The following NUCB2 variants were observed in gnomAD, a reference collection of about 807,000 sequenced individuals.
The protein encoded by NUCB2 is nucleobindin 2.
NUCB2 carries 48 observed loss-of-function variants against 57.9 expected under a neutral mutation model. That is an observed-to-expected ratio of 0.83 (90% confidence interval 0.66 to 1.05). The LOEUF is 1.05. Ranked by LOEUF, NUCB2 falls within the 50% of genes least tolerant of loss-of-function variation. The pLI, the probability that NUCB2 is intolerant of heterozygous loss-of-function variation, is 0.00. For synonymous variants in NUCB2, 139 were observed against 152.1 expected (o/e 0.91, Z 0.64); for missense variants, 442 against 476.2 (o/e 0.93, Z 0.67).
rs146835034 is a variant in NUCB2 at position 17,345,441 on chromosome 11, G to A, written n.2627-3904G>A. Among the ~76,000 whole-genome samples, 1,096 of 152,276 alleles carry A rather than the reference G, an allele frequency of 7.2e-3. 15 individuals are homozygous for A. The highest frequency in any genetic ancestry group is 0.022 in the African/African-American group (922 of 41,544). On this transcript the variant is annotated intron_variant and non_coding_transcript_variant, in intron 2 of 2. Coordinates refer to the NUCB2 transcript ENST00000532240. ...GTAACCTTTTTGGCTGGGTGCGGTGGCTCACGCCTGTAATCCCAGTACTTT... is the reference window on the plus strand; with the variant it reads ...GTAACCTTTTTGGCTGGGTGCGGTGACTCACGCCTGTAATCCCAGTACTTT...
intron 11 of NUCB2, among the ~76,000 whole-genome samples, chr11:17,317,258 A>G (rs951638553): frequency 7.2e-5 from 11 of 152,108 alleles, no homozygotes; most frequent in Admixed American, 7.2e-4. Context: ...GTGTATGTAT[A>G]ACATATAATT....
intron 5 of NUCB2, among the ~76,000 whole-genome samples, chr11:17,307,141 C>T (rs918038878): frequency 6.6e-5 from 10 of 151,692 alleles, no homozygotes; most frequent in Admixed American, 2.0e-4. Context: ...TGAGCTCAAG[C>T]GATCCAACTG....
At chr11:17,279,496 C>T (rs933865261) in intron 1 of NUCB2, among the ~76,000 whole-genome samples, 1 of 152,170 alleles carries the variant, frequency 6.6e-6, no homozygotes, top group African/African-American at 2.4e-5. Flanking sequence ...CCTGAAACTA[C>T]AGGTAGTACC....
chr11:17,285,269 C>T (rs1943470435), intron 2 of NUCB2, among the ~76,000 whole-genome samples: 1 of 148,416 alleles, frequency 6.7e-6, no homozygotes, highest in South Asian at 2.1e-4. Flanking sequence ...CTACTAAAAA[C>T]ATACAAAAAA....
chr11:17,280,907 G>A (rs1038563645), intron 1 of NUCB2, among the ~76,000 whole-genome samples: 2 of 152,074 alleles, frequency 1.3e-5, no homozygotes, highest in Non-Finnish European at 2.9e-5. Flanking sequence ...TGGGCGTGGT[G>A]GTGCGTGCCT....
At chr11:17,333,287 A>G (rs1195349566), downstream of NUCB2, 1 of 152,044 alleles carries the variant, frequency 6.6e-6, no homozygotes, top group African/African-American at 2.4e-5. Context: ...TGGAAAGTAT[A>G]CCCTTCTTGG....
At chr11:17,335,527 A>C (rs1346623322), downstream of NUCB2, among the ~76,000 whole-genome samples, 1 of 151,906 alleles carries the variant, frequency 6.6e-6, no homozygotes, top group African/African-American at 2.4e-5. Flanking sequence ...TTTGAGACAG[A>C]GTCTCACTCT....
chr11:17,311,355 T>C (rs1948456296), intron 8 of NUCB2, 72 bp downstream of exon 8: 3 of 1,143,632 alleles, frequency 2.6e-6, no homozygotes, highest in Non-Finnish European at 3.8e-6. Flanking sequence ...TCTTAATTGA[T>C]TTCTGCCAAG....
At chr11:17,309,350 A>C (rs1948150822) in intron 5 of NUCB2, among the ~76,000 whole-genome samples, 1 of 152,098 alleles carries the variant, frequency 6.6e-6, no homozygotes. Flanking sequence ...ATTTTTAAAA[A>C]TATACATGTT....
At position 17,331,488 on chromosome 11, in the gene NUCB2, T is replaced by G; in HGVS notation, c.*69T>G. On this transcript the variant is annotated 3_prime_UTR_variant, in exon 14 of 14. Coordinates refer to ENST00000529010, the MANE Select transcript of NUCB2 (RefSeq NM_005013.4). ...CATCTATTTCATCTTTTTAGCTCCC[T>G]TCCTTTTTCTCTGCTCAATAAATAT... 1.0e-6 allele frequency: 1 copy of G among 957,052 alleles called. No homozygotes were observed. Among genetic ancestry groups the G allele is most frequent in the African/African-American group, 1.7e-5 (1 of 59,118 alleles). The allele number at this position is 957,052 out of a possible 1,614,324, so 59.3% of individuals were successfully genotyped here. A position where few individuals can be genotyped will look rare whatever the true frequency, so the allele number is the denominator to read the frequency against.
Position 17,310,950 on chromosome 11 carries a change from A to G in NUCB2, c.609A>G (p.Glu203=), listed in dbSNP as rs1948400066. The change falls in exon 7 of 14, where the codon GAA becomes GAG. Residue 203 remains glutamate (E), a synonymous_variant. Coordinates refer to ENST00000529010, the MANE Select transcript of NUCB2 (RefSeq NM_005013.4). ...TGAATGAAGAAAAGAGAAAAGAAGA[A>G]GAGTCTAAATTTGAAGAAATGAAGA... The part of the protein sequence containing the change: ...KTLNEEKRKE[E]ESKFEEMKKK... 6.3e-7 allele frequency: 1 copy of G among 1,596,184 alleles called. No homozygotes were observed. Among genetic ancestry groups the G allele is most frequent in the Admixed American group, 1.8e-5 (1 of 54,964 alleles).
At chr11:17,288,880 TATACACACACACACACACACAC>T (rs778378805) in intron 2 of NUCB2, among the ~76,000 whole-genome samples, 742 of 67,518 alleles carry the variant, frequency 0.011, 48 homozygotes, top group African/African-American at 0.022. Context: ...ATAACATGTA[TATACACACACACACACACACAC>T]ACACACACAC....
At chr11:17,324,782 A>G (rs1420420829) in intron 11 of NUCB2, among the ~76,000 whole-genome samples, 1 of 32,686 alleles carries the variant, frequency 3.1e-5, no homozygotes, top group African/African-American at 4.5e-5. Context: ...CTATTTGTCT[A>G]TTTATTTATT....
At chr11:17,321,766 T>A (rs1430325571) in intron 11 of NUCB2, among the ~76,000 whole-genome samples, 1 of 152,308 alleles carries the variant, frequency 6.6e-6, no homozygotes, top group South Asian at 2.1e-4. Context: ...ACATTTGTTA[T>A]TGCCTGTCTT....
At chr11:17,287,641 C>T (rs1178483800) in intron 2 of NUCB2, among the ~76,000 whole-genome samples, 1 of 139,510 alleles carries the variant, frequency 7.2e-6, no homozygotes, top group Non-Finnish European at 1.5e-5. Flanking sequence ...CCACTGCATT[C>T]TAGCCTGGGC....
At chr11:17,347,199 C>T in intron 2 of NUCB2, among the ~76,000 whole-genome samples, 1 of 152,212 alleles carries the variant, frequency 6.6e-6, no homozygotes, top group East Asian at 1.9e-4. Context: ...GTGGGAGCTT[C>T]CAGGTCACAG....
At chr11:17,344,430 A>C (rs897462340) in intron 2 of NUCB2, among the ~76,000 whole-genome samples, 1 of 152,106 alleles carries the variant, frequency 6.6e-6, no homozygotes, top group Non-Finnish European at 1.5e-5. Context: ...TTAATCAAGA[A>C]GTTCTTTCCT....
intron 9 of NUCB2, 40 bp downstream of exon 9, chr11:17,311,970 C>T (rs570336148): frequency 6.5e-7 from 1 of 1,542,858 alleles, no homozygotes; most frequent in South Asian, 1.2e-5. Context: ...CTTGTTCTCT[C>T]TCTTTTTTTC....
At chr11:17,331,270 T>G (rs1181587362) in intron 13 of NUCB2, 142 bp from the exon 14 acceptor site, 1 of 515,254 alleles carries the variant, frequency 1.9e-6, no homozygotes. Flanking sequence ...TATATTAATC[T>G]TACCAGAGAA....
Sources: allele counts gnomAD v4.1 joint callset (sites outside exome capture counted in the v4.1 genomes callset), GRCh38; gene constraint gnomAD v4.1.1; transcripts MANE v1.5; gene names NCBI Gene and HGNC (gene_info 2026-07-23, HGNC 2026-07-21).